The following ANXA8 variants were observed in gnomAD, a reference collection of about 807,000 sequenced individuals.
ANXA8 encodes annexin A8, also known as VAC-beta.
A neutral mutation model predicts 26.8 loss-of-function variants in ANXA8; 9 were observed. The ratio of observed to expected loss-of-function variants is 0.34; its 90% CI spans 0.20 to 0.59. ANXA8 has a LOEUF of 0.59. Ranked by LOEUF, ANXA8 falls within the 20% of genes least tolerant of loss-of-function variation. The pLI is 0.84. For synonymous variants in ANXA8, 39 were observed against 94.8 expected (o/e 0.41, Z 3.42); for missense variants, 83 against 238.5 (o/e 0.35, Z 4.29).
chr10:47,695,562 AG>A, the ANXA8 span, among the ~76,000 whole-genome samples: 1 of 151,754 alleles, frequency 6.6e-6, no homozygotes, highest in Non-Finnish European at 1.5e-5. Context: ...TCCATTAGGC[AG>A]TTGTAGATAA....
At chr10:47,552,263 TA>T in the ANXA8 span, among the ~76,000 whole-genome samples, 4 of 151,742 alleles carry the variant, frequency 2.6e-5, 1 homozygote, top group Non-Finnish European at 4.4e-5. Flanking sequence ...TTCAGCCATT[TA>T]GCCATTAGCC....
At chr10:47,583,762 C>T in the ANXA8 span, among the ~76,000 whole-genome samples, 1 of 145,960 alleles carries the variant, frequency 6.9e-6, no homozygotes, top group Admixed American at 6.7e-5. Flanking sequence ...ATTAAAATCT[C>T]CTGCAGGGCA....
the ANXA8 span, among the ~76,000 whole-genome samples, chr10:47,743,343 T>TATATATATATAC: frequency 0.062 from 887 of 14,346 alleles, 63 homozygotes; most frequent in East Asian, 0.099. Flanking sequence ...TATATATACA[T>TATATATATATAC]ATATATATAT....
At chr10:47,674,242 C>T in the ANXA8 span, among the ~76,000 whole-genome samples, 1 of 150,476 alleles carries the variant, frequency 6.6e-6, no homozygotes, top group East Asian at 1.9e-4. Flanking sequence ...CATGATCCTC[C>T]CTCCTTAGCT....
At chr10:47,557,003 CTTTT>C in the ANXA8 span, among the ~76,000 whole-genome samples, 2 of 113,434 alleles carry the variant, frequency 1.8e-5, no homozygotes, top group African/African-American at 6.7e-5. Context: ...TATTTTCTTT[CTTTT>C]TTTTTTTTTT....
chr10:47,747,857 T>C, the ANXA8 span, among the ~76,000 whole-genome samples: 1 of 151,982 alleles, frequency 6.6e-6, no homozygotes, highest in Non-Finnish European at 1.5e-5. Flanking sequence ...GAAATGGAAA[T>C]TTAAAACTTA....
At chr10:47,559,095 T>G in the ANXA8 span, among the ~76,000 whole-genome samples, 1 of 151,054 alleles carries the variant, frequency 6.6e-6, no homozygotes, top group South Asian at 2.1e-4. Flanking sequence ...AGTTGTGCTA[T>G]TTTTTCCCAA....
the ANXA8 span, among the ~76,000 whole-genome samples, chr10:47,775,351 C>A: frequency 2.7e-5 from 4 of 149,614 alleles, no homozygotes; most frequent in Admixed American, 1.3e-4. Flanking sequence ...CCAGCCTGGG[C>A]AACAGAGAGA....
the ANXA8 span, among the ~76,000 whole-genome samples, chr10:47,967,973 A>C: frequency 1.1e-4 from 1 of 9,426 alleles, no homozygotes; most frequent in African/African-American, 5.5e-4. Flanking sequence ...GCATGGGTGC[A>C]AAAAAAAAAC....
the ANXA8 span, among the ~76,000 whole-genome samples, chr10:47,558,529 ATGTGTGTGTGTG>A: frequency 1.8e-4 from 25 of 141,582 alleles, no homozygotes; most frequent in South Asian, 4.7e-4. Context: ...GGGTTTTAAG[ATGTGTGTGTGTG>A]TGTGTGTGTG....
At chr10:47,696,053 C>A in the ANXA8 span, among the ~76,000 whole-genome samples, 30,659 of 150,822 alleles carry the variant, frequency 0.2, 3,657 homozygotes, top group East Asian at 0.53. Context: ...GGCTTTGGAA[C>A]CACTACTTTG....
At chr10:47,751,171 A>C in the ANXA8 span, 1 of 151,868 alleles carries the variant, frequency 6.6e-6, no homozygotes, top group East Asian at 1.9e-4. Context: ...AAGAATACCC[A>C]CTATCACTAC....
At chr10:47,484,374 G>T, upstream of ANXA8, 2 of 905,632 alleles carry the variant, frequency 2.2e-6, no homozygotes, top group Admixed American at 2.2e-5. Context: ...ATGAGCCACC[G>T]CACCCAGCCC....
At chr10:47,620,363 A>G in the ANXA8 span, among the ~76,000 whole-genome samples, 2 of 78,978 alleles carry the variant, frequency 2.5e-5, no homozygotes, top group Non-Finnish European at 5.4e-5. Flanking sequence ...TTTAAAAAAA[A>G]CAAAAGGCCT....
chr10:47,985,541 T>G, the ANXA8 span: 4 of 104,400 alleles, frequency 3.8e-5, no homozygotes, highest in East Asian at 8.5e-4. Flanking sequence ...ATGTTTTTAT[T>G]GGCAGGTAAT....
chr10:47,680,427 G>C, the ANXA8 span, among the ~76,000 whole-genome samples: 1 of 151,846 alleles, frequency 6.6e-6, no homozygotes, highest in Non-Finnish European at 1.5e-5. Flanking sequence ...CTGAGGTCAG[G>C]AGTTCAAGAC....
the ANXA8 span, among the ~76,000 whole-genome samples, chr10:47,675,556 A>G: frequency 6.6e-6 from 1 of 152,010 alleles, no homozygotes; most frequent in Middle Eastern, 3.4e-3. Context: ...TTAAAGCTGC[A>G]TCATAGCCCA....
At chr10:47,951,588 T>A in the ANXA8 span, among the ~76,000 whole-genome samples, 3 of 150,596 alleles carry the variant, frequency 2.0e-5, no homozygotes, top group South Asian at 6.3e-4. Context: ...GCTGGGTGGA[T>A]CACTTGAGGC....
At chr10:47,570,858 T>C in the ANXA8 span, among the ~76,000 whole-genome samples, 2 of 148,538 alleles carry the variant, frequency 1.3e-5, no homozygotes, top group Non-Finnish European at 3.0e-5. Flanking sequence ...TAACCTAATA[T>C]AGAAATACAG....
Sources: allele counts gnomAD v4.1 joint callset (sites outside exome capture counted in the v4.1 genomes callset), GRCh38; gene constraint gnomAD v4.1.1; transcripts MANE v1.5; gene names NCBI Gene and HGNC (gene_info 2026-07-23, HGNC 2026-07-21).